Variants in RAPGEF6 observed in about 807,000 individuals in gnomAD.
RAPGEF6 encodes the protein Rap guanine nucleotide exchange factor 6.
In RAPGEF6, 56 loss-of-function variants were observed where a neutral mutation model predicts 171.4. The ratio of observed to expected loss-of-function variants is 0.33; its 90% CI spans 0.26 to 0.41. The LOEUF (loss-of-function observed/expected upper bound fraction) is 0.41. RAPGEF6 is among the 10% of genes least tolerant of loss of function. The probability of loss-of-function intolerance (pLI) is 1.00; values close to 1 mark genes in which losing one functional copy is unlikely to be tolerated. For synonymous variants in RAPGEF6, 692 were observed against 650.1 expected, an observed-to-expected ratio of 1.06 and a Z score of -0.98; for missense variants, 1,674 against 1,921.4, an observed-to-expected ratio of 0.87 and a Z score of 2.41.
chr5:131,573,163 T>A (rs144543209), intron 4 of RAPGEF6, among the ~76,000 whole-genome samples: 1 of 152,184 alleles, frequency 6.6e-6, no homozygotes, highest in African/African-American at 2.4e-5. Context: ...CCAGGCTGAA[T>A]CAGGTCCCAA....
Position 131,431,262 on chromosome 5 carries a change from A to G in RAPGEF6, c.4062T>C (p.Ile1354=), listed in dbSNP as rs1324174444. The G allele has an allele frequency of 2.5e-6, 4 of 1,614,092 alleles. No homozygotes were observed. The highest frequency in any genetic ancestry group is 3.4e-6 in the Non-Finnish European group (4 of 1,180,040). The change falls in exon 26 of 28, where the codon ATT becomes ATC. Residue 1354 remains isoleucine, a synonymous_variant. Transcript: ENST00000509018. ...CACGACCACTGTCAGCTGCTTCTAT[A>G]ATGATATGCTCTTGAGAAATCTCTT... ...SNEEISQEHI[I]IEAADSGRGS... is the part of the protein sequence containing the mutation.
rs748173087 is a variant in RAPGEF6 at position 131,452,688 on chromosome 5, G to A, written c.3200+366C>T. ...TCACCTTGTTAGCTAGGATGGTCTC[G>A]ATCTCCTGACCTTGTGATCCGCCTG... is the stretch of plus-strand genomic sequence containing the variant. On this transcript the variant is annotated intron_variant, in intron 21 of 27. Coordinates refer to ENST00000509018, the MANE Select transcript of RAPGEF6 (RefSeq NM_016340.6). 5.0e-4 allele frequency among the ~76,000 whole-genome samples: 74 copies of A among 148,054 alleles called. 1 individual carries two copies. The highest frequency in any genetic ancestry group is 9.5e-4 in the Non-Finnish European group (64 of 67,534).
At chr5:131,499,537 TG>T (rs1429017941) in intron 11 of RAPGEF6, among the ~76,000 whole-genome samples, 1 of 132,732 alleles carries the variant, frequency 7.5e-6, no homozygotes, top group Non-Finnish European at 1.5e-5. Flanking sequence ...GCGGAGATCA[TG>T]CCACTGCACT....
chr5:131,594,320 T>C lies in RAPGEF6; in HGVS notation c.198-1854A>G, dbSNP rs550839617. Among the ~76,000 whole-genome samples, 19 of 152,392 alleles carry C rather than the reference T, an allele frequency of 1.2e-4. No homozygotes were observed. The South Asian group carries it at 3.9e-3, about 32-fold the overall frequency. ...AATCAGAGGCTGCAAGCCTCAAGCC[T>C]TGGCGGCTTCCACATGGTGTTGGGC... On this transcript the variant is annotated intron_variant, in intron 3 of 27. Coordinates refer to ENST00000509018, the MANE Select transcript of RAPGEF6 (RefSeq NM_016340.6).
At chr5:131,445,840 A>T (rs114879562) in intron 22 of RAPGEF6, among the ~76,000 whole-genome samples, 4,949 of 152,192 alleles carry the variant, frequency 0.033, 198 homozygotes, top group African/African-American at 0.096. Context: ...GCCTGGCCTT[A>T]ACCTACAATT....
At chr5:131,480,942 T>C (rs529766485) in intron 15 of RAPGEF6, among the ~76,000 whole-genome samples, 6 of 151,672 alleles carry the variant, frequency 4.0e-5, no homozygotes, top group African/African-American at 1.5e-4. Flanking sequence ...TTTTTTTTTT[T>C]AATTTTGAGA....
chr5:131,634,817 T>TG, intron 1 of RAPGEF6, 145 bp downstream of exon 1: 7 of 963,468 alleles, frequency 7.3e-6, no homozygotes, highest in Non-Finnish European at 8.0e-6. Flanking sequence ...GACAAGGGCC[T>TG]GGGTCAGGGA....
chr5:131,590,606 C>G (rs1763531965), intron 4 of RAPGEF6, among the ~76,000 whole-genome samples: 1 of 152,094 alleles, frequency 6.6e-6, no homozygotes, highest in Admixed American at 6.6e-5. Context: ...AGATAAATTC[C>G]CTAATCAGTA....
intron 9 of RAPGEF6, among the ~76,000 whole-genome samples, chr5:131,507,327 G>A (rs1357981149): frequency 2.6e-5 from 4 of 151,860 alleles, no homozygotes; most frequent in African/African-American, 9.7e-5. Context: ...ACACTCAGAA[G>A]TGGAATAACA....
chr5:131,440,298 C>T lies in RAPGEF6; in HGVS notation c.3611-583G>A, dbSNP rs554833902. 4.9e-4 allele frequency: 222 copies of T among 452,212 alleles called. 1 individual carries two copies. The highest frequency in any genetic ancestry group is 1.5e-3 in the African/African-American group (76 of 49,998). 28.0% of individuals were successfully genotyped at this position (452,212 alleles called of 1,614,324 possible). A position where few individuals can be genotyped will look rare whatever the true frequency, so the allele number is the denominator to read the frequency against. ...AAAAATAGTATGCAGCACAGTGGAA[C>T]GATTCCTTACAGTCCTATCATTACC... On this transcript the variant is annotated intron_variant, in intron 23 of 27. Transcript: ENST00000509018.
At chr5:131,528,924 C>T (rs962224372) in intron 6 of RAPGEF6, among the ~76,000 whole-genome samples, 4 of 152,078 alleles carry the variant, frequency 2.6e-5, no homozygotes, top group Non-Finnish European at 4.4e-5. Flanking sequence ...AAGAAATGAC[C>T]TGCAGCTTTA....
intron 6 of RAPGEF6, among the ~76,000 whole-genome samples, chr5:131,531,080 G>A (rs1759337276): frequency 6.6e-6 from 1 of 152,108 alleles, no homozygotes; most frequent in African/African-American, 2.4e-5. Flanking sequence ...GAATTTAAAT[G>A]TCTTTCCAGA....
chr5:131,542,898 T>C (rs189343188), intron 6 of RAPGEF6, among the ~76,000 whole-genome samples: 6 of 152,246 alleles, frequency 3.9e-5, no homozygotes, highest in Non-Finnish European at 7.4e-5. Flanking sequence ...AAAGAGAAAG[T>C]TGGAGAACTG....
At chr5:131,592,146 G>A (rs531690489) in intron 4 of RAPGEF6, among the ~76,000 whole-genome samples, 2 of 152,174 alleles carry the variant, frequency 1.3e-5, no homozygotes, top group South Asian at 2.1e-4. Flanking sequence ...GTGAGCCACC[G>A]TGCCCAGCCC....
intron 1 of RAPGEF6, among the ~76,000 whole-genome samples, chr5:131,614,153 G>C (rs1765118742): frequency 6.6e-6 from 1 of 151,768 alleles, no homozygotes; most frequent in South Asian, 2.1e-4. Context: ...GTGGTGGCAG[G>C]TGCCTGTAAT....
intron 5 of RAPGEF6, among the ~76,000 whole-genome samples, chr5:131,552,144 T>C (rs1365818653): frequency 1.3e-5 from 2 of 152,002 alleles, no homozygotes; most frequent in African/African-American, 2.4e-5. Context: ...CAAGAGACTC[T>C]ACCAAAGTTG....
At chr5:131,622,567 T>C (rs533181796) in intron 1 of RAPGEF6, among the ~76,000 whole-genome samples, 75 of 152,374 alleles carry the variant, frequency 4.9e-4, no homozygotes, top group African/African-American at 1.8e-3. Context: ...AAACATGTGT[T>C]GCTTATGCCT....
intron 5 of RAPGEF6, among the ~76,000 whole-genome samples, chr5:131,552,030 G>A (rs1317581233): frequency 1.3e-5 from 2 of 151,946 alleles, no homozygotes; most frequent in African/African-American, 4.8e-5. Context: ...TTGAACTTGG[G>A]AAACCAATAA....
At chr5:131,579,366 C>A (rs1317445382) in intron 4 of RAPGEF6, among the ~76,000 whole-genome samples, 1 of 152,250 alleles carries the variant, frequency 6.6e-6, no homozygotes, top group African/African-American at 2.4e-5. Context: ...GAGCAGGTTG[C>A]CTGCTGGCTG....
Sources: allele counts gnomAD v4.1 joint callset (sites outside exome capture counted in the v4.1 genomes callset), GRCh38; gene constraint gnomAD v4.1.1; transcripts MANE v1.5; gene names NCBI Gene and HGNC (gene_info 2026-07-23, HGNC 2026-07-21).